The following SGCZ variants were observed in gnomAD, a reference collection of about 807,000 sequenced individuals.
SGCZ encodes the protein sarcoglycan zeta.
SGCZ carries 40 observed loss-of-function variants against 41.3 expected under a neutral mutation model. The observed-to-expected ratio is 0.97, with a 90% CI of 0.75 to 1.26. SGCZ has a LOEUF of 1.26. Ranked by LOEUF, SGCZ falls within the 50% of genes most tolerant of loss-of-function variation. SGCZ has a pLI of 0.00. For missense variants in SGCZ, 552 were observed against 369.8 expected (o/e 1.49, Z -4.04); for synonymous variants, 206 against 137.5 (o/e 1.50, Z -3.49).
intron 7 of SGCZ, among the ~76,000 whole-genome samples, chr8:14,092,934 T>C (rs1801733662): frequency 6.6e-6 from 1 of 152,086 alleles, no homozygotes; most frequent in African/African-American, 2.4e-5. Flanking sequence ...CTATGTTCAA[T>C]ACCTACTTTG....
In SGCZ at chr8:14,832,611, T is replaced by C. The variant is rs190525546; in HGVS notation, c.40-277685A>G. ...GCAAATATGATTTTATTTTAAAAAA[T>C]GTGGAAGGCAAAAGGAGACATGAAA... On this transcript the variant is annotated intron_variant, in intron 1 of 7. Coordinates refer to ENST00000382080, the MANE Select transcript of SGCZ (RefSeq NM_139167.4). Among the ~76,000 whole-genome samples the C allele has an allele frequency of 4.6e-5, 7 of 152,268 alleles. No homozygotes were observed. The East Asian group carries it at 7.7e-4, about 17-fold the overall frequency.
intron 5 of SGCZ, among the ~76,000 whole-genome samples, chr8:14,143,074 C>G (rs1001810158): frequency 6.6e-6 from 1 of 150,994 alleles, no homozygotes; most frequent in African/African-American, 2.4e-5. Context: ...ATGATTATAT[C>G]AATTGATGCA....
intron 1 of SGCZ, among the ~76,000 whole-genome samples, chr8:14,876,255 C>A (rs1264176269): frequency 2.0e-5 from 3 of 152,046 alleles, no homozygotes; most frequent in Non-Finnish European, 4.4e-5. Context: ...CTAAATAACC[C>A]ATGGGTCAAA....
At position 15,156,723 on chromosome 8, in the gene SGCZ, C is replaced by G. The variant is rs541820088; in HGVS notation, c.39+80862G>C. ...TTCTGGGAGTCCAAGGCAGACGGAT[C>G]ACCTGAGGTCAGGAGTTCAAGACCA... On this transcript the variant is annotated intron_variant, in intron 1 of 7. Coordinates refer to ENST00000382080, the MANE Select transcript of SGCZ (RefSeq NM_139167.4). 1.2e-4 allele frequency among the ~76,000 whole-genome samples: 18 copies of G among 152,222 alleles called. No individual in the cohort carries two copies. The South Asian group carries it at 2.5e-3, about 21-fold the overall frequency.
chr8:15,073,301 T>C (rs1805419735), intron 1 of SGCZ, among the ~76,000 whole-genome samples: 1 of 152,204 alleles, frequency 6.6e-6, no homozygotes, highest in Admixed American at 6.5e-5. Flanking sequence ...TGGCTAAAAT[T>C]TCATTTCCTA....
intron 1 of SGCZ, among the ~76,000 whole-genome samples, chr8:15,129,660 C>T (rs1807826722): frequency 7.1e-6 from 1 of 140,420 alleles, no homozygotes; most frequent in Admixed American, 7.7e-5. Flanking sequence ...CGTGTAAGTG[C>T]ACTCAAGCCA....
Position 14,095,080 on chromosome 8 carries a change from A to G in SGCZ, c.745-4443T>C, listed in dbSNP as rs937205894. On this transcript the variant is annotated intron_variant, in intron 7 of 7. Transcript: ENST00000382080. ...TTTTCTCTCATTCTGCAGGTTGCCT[A>G]TTCACTCTGATGATAGTTTCTTTTG... Among the ~76,000 whole-genome samples, 7 of 152,010 alleles carry G rather than the reference A, an allele frequency of 4.6e-5. No homozygotes were observed. In the East Asian group the frequency reaches 9.7e-4, roughly 21 times the overall value.
intron 2 of SGCZ, among the ~76,000 whole-genome samples, chr8:14,419,958 T>G (rs369783992): frequency 9.9e-5 from 15 of 152,204 alleles, no homozygotes; most frequent in African/African-American, 3.6e-4. Flanking sequence ...GTTTATTTTC[T>G]GCTTCACAAT....
intron 1 of SGCZ, among the ~76,000 whole-genome samples, chr8:14,880,898 T>C (rs1375145887): frequency 1.3e-5 from 2 of 152,012 alleles, no homozygotes; most frequent in Non-Finnish European, 2.9e-5. Context: ...GGCACATGTA[T>C]ACATATGTAA....
At chr8:15,005,811 A>G (rs925971745) in intron 1 of SGCZ, among the ~76,000 whole-genome samples, 1 of 152,184 alleles carries the variant, frequency 6.6e-6, no homozygotes, top group Non-Finnish European at 1.5e-5. Context: ...AGTCTCCTAA[A>G]ATAAAATAGT....
At chr8:14,453,391 A>G (rs1204095192) in intron 2 of SGCZ, among the ~76,000 whole-genome samples, 3 of 152,220 alleles carry the variant, frequency 2.0e-5, no homozygotes, top group Non-Finnish European at 4.4e-5. Context: ...TCAATTTCCC[A>G]TAAACGAGAA....
intron 1 of SGCZ, among the ~76,000 whole-genome samples, chr8:14,848,958 A>G (rs913061274): frequency 6.6e-6 from 1 of 152,194 alleles, no homozygotes; most frequent in Non-Finnish European, 1.5e-5. Context: ...CAAAATATGT[A>G]AAGAGCTGTC....
chr8:15,236,979 G>A (rs1375683985), intron 1 of SGCZ, among the ~76,000 whole-genome samples: 2 of 152,200 alleles, frequency 1.3e-5, no homozygotes, highest in Non-Finnish European at 2.9e-5. Flanking sequence ...CCCCGGCAGC[G>A]GGGGTACCTC....
intron 5 of SGCZ, among the ~76,000 whole-genome samples, chr8:14,142,486 C>A (rs747055486): frequency 2.6e-5 from 4 of 151,992 alleles, no homozygotes; most frequent in Admixed American, 6.6e-5. Context: ...CCCATTAGGC[C>A]CATTTAGGCA....
chr8:14,713,082 G>A (rs529047245), intron 1 of SGCZ, among the ~76,000 whole-genome samples: 4 of 152,046 alleles, frequency 2.6e-5, no homozygotes, highest in African/African-American at 9.7e-5. Context: ...ACAGTTCTAA[G>A]CCTATTAAAA....
At chr8:14,495,949 A>T (rs183229954) in intron 2 of SGCZ, among the ~76,000 whole-genome samples, 1 of 152,306 alleles carries the variant, frequency 6.6e-6, no homozygotes, top group East Asian at 1.9e-4. Context: ...ACAGAAGAAC[A>T]AGCCTGAAAT....
intron 1 of SGCZ, among the ~76,000 whole-genome samples, chr8:14,876,341 A>G (rs893104809): frequency 6.6e-6 from 1 of 152,224 alleles, no homozygotes; most frequent in East Asian, 1.9e-4. Flanking sequence ...GAAACGATGC[A>G]GGTAAAGCTG....
chr8:14,611,330 C>T, intron 1 of SGCZ, among the ~76,000 whole-genome samples: 1 of 57,400 alleles, frequency 1.7e-5, no homozygotes, highest in South Asian at 4.0e-4. Flanking sequence ...ATATGTGGGT[C>T]TATGTGTGTG....
At chr8:14,771,605 T>A (rs1031909994) in intron 1 of SGCZ, among the ~76,000 whole-genome samples, 8 of 152,132 alleles carry the variant, frequency 5.3e-5, no homozygotes, top group African/African-American at 1.9e-4. Context: ...AAATAATGCA[T>A]TGTACAACAT....
Sources: allele counts gnomAD v4.1 joint callset (sites outside exome capture counted in the v4.1 genomes callset), GRCh38; gene constraint gnomAD v4.1.1; transcripts MANE v1.5; gene names NCBI Gene and HGNC (gene_info 2026-07-23, HGNC 2026-07-21).